LHFPL2: variants seen among roughly 807,000 people sequenced by gnomAD.
LHFPL2 encodes LHFPL tetraspan subfamily member 2.
LHFPL2 carries 7 observed loss-of-function variants against 17.5 expected under a neutral mutation model. That is an observed-to-expected ratio of 0.40 (90% CI 0.23 to 0.75). LHFPL2 has a LOEUF of 0.75. LHFPL2 is among the 30% of genes least tolerant of loss of function. The pLI is 0.37. For missense variants in LHFPL2, 241 were observed against 294.8 expected, an observed-to-expected ratio of 0.82 and a Z score of 1.34; for synonymous variants, 134 against 116.2, an observed-to-expected ratio of 1.15 and a Z score of -0.99.
chr5:78,607,933 A>G (rs1020634146), intron 2 of LHFPL2, among the ~76,000 whole-genome samples: 9 of 152,252 alleles, frequency 5.9e-5, no homozygotes, highest in East Asian at 3.8e-4. Flanking sequence ...CTAGGCAGTA[A>G]AAGAACACAC....
intron 3 of LHFPL2, among the ~76,000 whole-genome samples, chr5:78,520,750 T>C (rs1755428611): frequency 6.6e-6 from 1 of 152,192 alleles, no homozygotes; most frequent in Non-Finnish European, 1.5e-5. Flanking sequence ...AGAACCTAAC[T>C]CTGACTTCTA....
chr5:78,551,360 C>T (rs189193218), intron 3 of LHFPL2, among the ~76,000 whole-genome samples: 14 of 152,234 alleles, frequency 9.2e-5, no homozygotes, highest in African/African-American at 3.4e-4. Flanking sequence ...ATCTTATGGG[C>T]AATTTTGAAT....
chr5:78,583,997 T>A (rs1206220175), intron 2 of LHFPL2, among the ~76,000 whole-genome samples: 3 of 152,180 alleles, frequency 2.0e-5, no homozygotes, highest in Non-Finnish European at 4.4e-5. Flanking sequence ...TATTCTTTTT[T>A]CTCTAAACTT....
chr5:78,536,966 G>A (rs1324944045), intron 3 of LHFPL2, among the ~76,000 whole-genome samples: 1 of 152,150 alleles, frequency 6.6e-6, no homozygotes, highest in Non-Finnish European at 1.5e-5. Context: ...TCACAGAAGC[G>A]CTCCAGCCCC....
intron 2 of LHFPL2, among the ~76,000 whole-genome samples, chr5:78,565,356 A>G (rs1258983975): frequency 6.6e-6 from 1 of 152,232 alleles, no homozygotes; most frequent in African/African-American, 2.4e-5. Flanking sequence ...CAAGACTGGG[A>G]AAGTGGAAAA....
intron 3 of LHFPL2, among the ~76,000 whole-genome samples, chr5:78,561,742 A>G (rs181916834): frequency 9.2e-5 from 14 of 152,336 alleles, no homozygotes; most frequent in African/African-American, 3.1e-4. Flanking sequence ...GTCTTCAAAC[A>G]GTACATCATT....
rs1404291188 is a variant in LHFPL2, at chr5:78,585,200, G to A, written c.-244-20329C>T. ...TTTTTGTATTTTTAGTAGAGACGGG[G>A]TTTCACCGTTTTTAGCCGGGATGGT... is the stretch of plus-strand genomic sequence containing the variant. On this transcript the variant is annotated intron_variant, in intron 2 of 4. Coordinates refer to ENST00000380345, the MANE Select transcript of LHFPL2 (RefSeq NM_005779.3). 8.4e-5 allele frequency among the ~76,000 whole-genome samples: 8 copies of A among 95,410 alleles called. 2 individuals are homozygous for A. The East Asian group carries it at 1.1e-3, about 13-fold the overall frequency. 62.6% of individuals were successfully genotyped at this position (95,410 alleles called of 152,430 possible).
intron 2 of LHFPL2, among the ~76,000 whole-genome samples, chr5:78,631,004 C>T (rs111731859): frequency 0.043 from 6,519 of 152,178 alleles, 462 homozygotes; most frequent in African/African-American, 0.15. Context: ...CGGGATAATG[C>T]GAGATCAACT....
chr5:78,607,520 C>G (rs773571659), intron 2 of LHFPL2, among the ~76,000 whole-genome samples: 1 of 152,164 alleles, frequency 6.6e-6, no homozygotes. Flanking sequence ...TGCCATATTT[C>G]CTCTGAGAAC....
intron 2 of LHFPL2, among the ~76,000 whole-genome samples, chr5:78,614,967 G>A (rs1484976878): frequency 6.6e-6 from 1 of 152,158 alleles, no homozygotes; most frequent in Non-Finnish European, 1.5e-5. Context: ...CCAAAGCCTG[G>A]GCTTTTTACT....
At chr5:78,617,710 G>A (rs1191234038) in intron 2 of LHFPL2, among the ~76,000 whole-genome samples, 1 of 152,144 alleles carries the variant, frequency 6.6e-6, no homozygotes, top group East Asian at 1.9e-4. Context: ...CAATAATTTA[G>A]GAGAGGGCGC....
intron 2 of LHFPL2, among the ~76,000 whole-genome samples, chr5:78,581,824 T>G (rs1396537585): frequency 6.6e-6 from 1 of 152,238 alleles, no homozygotes; most frequent in East Asian, 1.9e-4. Flanking sequence ...TAGGGAGGAT[T>G]CCCTGTTTTT....
At chr5:78,586,560 A>G (rs1743409860) in intron 2 of LHFPL2, among the ~76,000 whole-genome samples, 1 of 151,992 alleles carries the variant, frequency 6.6e-6, no homozygotes, top group Non-Finnish European at 1.5e-5. Flanking sequence ...AAACCTCAAC[A>G]CTCTCAGGCA....
chr5:78,588,802 G>C (rs576783176), intron 2 of LHFPL2, among the ~76,000 whole-genome samples: 3 of 152,282 alleles, frequency 2.0e-5, no homozygotes, highest in African/African-American at 7.2e-5. Flanking sequence ...ACTGCAAAGA[G>C]AGCACTTAAA....
At chr5:78,489,191 A>G (rs375933232) in intron 4 of LHFPL2, 38 bp from the exon 5 acceptor site, 32 of 1,610,460 alleles carry the variant, frequency 2.0e-5, no homozygotes, top group Admixed American at 3.3e-5. Context: ...GAAAATCCCC[A>G]TGGTGCTACA....
intron 2 of LHFPL2, among the ~76,000 whole-genome samples, 165 bp downstream of exon 2, chr5:78,632,099 C>A (rs1248946131): frequency 6.6e-6 from 1 of 152,112 alleles, no homozygotes; most frequent in Non-Finnish European, 1.5e-5. Context: ...AGCAAGCCAG[C>A]AAGGTAAACA....
chr5:78,581,506 T>G (rs913460779), intron 2 of LHFPL2, among the ~76,000 whole-genome samples: 4 of 152,230 alleles, frequency 2.6e-5, no homozygotes, highest in African/African-American at 9.6e-5. Context: ...CATGAAGTTG[T>G]TGAATTTTGT....
chr5:78,607,990 G>A (rs1211264688), intron 2 of LHFPL2, among the ~76,000 whole-genome samples: 2 of 152,198 alleles, frequency 1.3e-5, no homozygotes, highest in Non-Finnish European at 2.9e-5. Flanking sequence ...ACCATTAGAT[G>A]AACTCAAGAA....
At chr5:78,572,537 C>A (rs1042849538) in intron 2 of LHFPL2, among the ~76,000 whole-genome samples, 1 of 150,254 alleles carries the variant, frequency 6.7e-6, no homozygotes, top group African/African-American at 2.5e-5. Context: ...TATATACACA[C>A]ACATATATAT....
Sources: allele counts gnomAD v4.1 joint callset (sites outside exome capture counted in the v4.1 genomes callset), GRCh38; gene constraint gnomAD v4.1.1; transcripts MANE v1.5; gene names NCBI Gene and HGNC (gene_info 2026-07-23, HGNC 2026-07-21).